RAB3GAP2: variants seen among roughly 807,000 people sequenced by gnomAD.
RAB3GAP2 encodes the protein rab3 GTPase-activating protein non-catalytic subunit.
In RAB3GAP2, 87 loss-of-function variants were observed where a neutral mutation model predicts 185.3. The observed-to-expected ratio is 0.47, with a 90% CI of 0.39 to 0.56. The LOEUF is 0.56. Ranked by LOEUF, RAB3GAP2 falls within the 20% of genes least tolerant of loss-of-function variation. The pLI, the probability that RAB3GAP2 is intolerant of heterozygous loss-of-function variation, is 0.00. For synonymous variants in RAB3GAP2, 554 were observed against 576.1 expected (o/e 0.96, Z 0.55); for missense variants, 1,492 against 1,638.2 (o/e 0.91, Z 1.54).
chr1:220,162,459 C>T (rs1458504648), intron 27 of RAB3GAP2, among the ~76,000 whole-genome samples, 191 bp from the exon 28 acceptor site: 1 of 151,984 alleles, frequency 6.6e-6, no homozygotes, highest in Non-Finnish European at 1.5e-5. Context: ...AAAATCAGAA[C>T]TAGGCTGTAT....
At chr1:220,193,466 G>C in intron 12 of RAB3GAP2, 87 bp from the exon 13 acceptor site, 1 of 1,290,524 alleles carries the variant, frequency 7.7e-7, no homozygotes, top group East Asian at 2.5e-5. Flanking sequence ...AATGAAATAG[G>C]CTGAATCTGT....
rs184361763 is a variant in RAB3GAP2, at chr1:220,161,102, G to C, written c.3225+1096C>G. On this transcript the variant is annotated intron_variant, in intron 28 of 34. Transcript: ENST00000358951. The stretch of plus-strand genomic sequence containing the variant: ...TGTTATTCTCTCGAAAGACGAGGGG[G>C]TAAGAGGTGAAGTTGAATAGGAGAA... Among the ~76,000 whole-genome samples, 22 of 152,256 alleles carry C rather than the reference G, an allele frequency of 1.4e-4. No individual in the cohort carries two copies. The East Asian group carries it at 3.3e-3, about 23-fold the overall frequency.
chr1:220,154,988 G>C (rs921521268), intron 31 of RAB3GAP2, among the ~76,000 whole-genome samples: 9 of 152,192 alleles, frequency 5.9e-5, no homozygotes, highest in Non-Finnish European at 1.3e-4. Flanking sequence ...GCCTCCCAAA[G>C]TGCTGGGATT....
intron 1 of RAB3GAP2, among the ~76,000 whole-genome samples, chr1:220,238,236 A>C (rs916319200): frequency 1.3e-5 from 2 of 152,040 alleles, no homozygotes; most frequent in African/African-American, 4.8e-5. Flanking sequence ...GTAGAGATGA[A>C]GCCTTGCCAT....
rs1558136466 is a variant in RAB3GAP2 at position 220,151,382 on chromosome 1, C to G, written c.4051G>C (p.Glu1351Gln). 2.5e-6 allele frequency: 4 copies of G among 1,614,168 alleles called. No homozygotes were observed. The Admixed American group carries it at 6.7e-5, about 27-fold the overall frequency. The change falls in exon 35 of 35, where the codon GAA becomes CAA. Residue 1351 changes from glutamate to glutamine, a missense_variant. This residue lies in a region of RAB3GAP2 where 387 missense variants were observed against 455.3 expected (regional missense o/e 0.85). Transcript: ENST00000358951. ...AMDPQDLQNT[E>Q]VPIATTAKLV... is the part of the protein sequence containing the mutation. ...TTAGCTGTTGTTGCAATTGGCACTT[C>G]AGTGTTTTGAAGGTCCTGGGGGTCC...
rs1657664637 is a variant in RAB3GAP2 at position 220,148,476 on chromosome 1, T to TAAC, written c.*2772_*2774dup. The stretch of plus-strand genomic sequence containing the variant: ...TGGCTAATTCTATTCAGCAGGAATC[T>TAAC]AACTTCTAGACACCCAGCAAACCCA... On this transcript the variant is annotated 3_prime_UTR_variant, in exon 35 of 35. Transcript: ENST00000358951. 1 of 152,194 alleles carries TAAC rather than the reference T, an allele frequency of 6.6e-6. No homozygotes were observed. Among genetic ancestry groups the TAAC allele is most frequent in the African/African-American group, 2.4e-5 (1 of 41,448 alleles). The allele number at this position is 152,194 out of a possible 1,614,324, so 9.4% of individuals were successfully genotyped here.
chr1:220,267,644 T>C (rs45626633), intron 1 of RAB3GAP2: 80,393 of 1,459,756 alleles, frequency 0.055, 3,374 homozygotes, highest in East Asian at 0.24. Context: ...TGTTATTCAG[T>C]GGCCTGGAGG....
intron 18 of RAB3GAP2, 25 bp downstream of exon 18, chr1:220,185,626 C>T: frequency 1.3e-6 from 2 of 1,551,498 alleles, no homozygotes; most frequent in Non-Finnish European, 1.8e-6. Flanking sequence ...AGAACATAAC[C>T]TCCAATCAGT....
intron 2 of RAB3GAP2, among the ~76,000 whole-genome samples, chr1:220,226,683 T>C (rs562670529): frequency 1.3e-5 from 2 of 152,330 alleles, no homozygotes; most frequent in Admixed American, 6.5e-5. Flanking sequence ...TATTTACTTA[T>C]AGGCAAGTTG....
chr1:220,227,697 A>G (rs1441353055), intron 2 of RAB3GAP2, among the ~76,000 whole-genome samples: 3 of 152,216 alleles, frequency 2.0e-5, no homozygotes, highest in African/African-American at 7.2e-5. Flanking sequence ...TCTTCTGGTT[A>G]TAATAACCTC....
intron 9 of RAB3GAP2, among the ~76,000 whole-genome samples, chr1:220,201,522 CAG>C (rs1306142372): frequency 6.6e-6 from 1 of 152,060 alleles, no homozygotes; most frequent in African/African-American, 2.4e-5. Context: ...TTTCTTGAGA[CAG>C]AGTCTCGCTC....
At chr1:220,241,269 G>C (rs1275015221) in intron 1 of RAB3GAP2, among the ~76,000 whole-genome samples, 6 of 152,000 alleles carry the variant, frequency 3.9e-5, no homozygotes, top group Non-Finnish European at 8.8e-5. Flanking sequence ...TTGAATTCTA[G>C]AAGTGGGCAA....
intron 1 of RAB3GAP2, among the ~76,000 whole-genome samples, chr1:220,245,896 C>T (rs544777668): frequency 1.3e-5 from 2 of 152,310 alleles, no homozygotes; most frequent in South Asian, 2.1e-4. Flanking sequence ...AGGCACCCCC[C>T]AGCGGGGGCA....
intron 26 of RAB3GAP2, 95 bp from the exon 27 acceptor site, chr1:220,164,894 A>G: frequency 8.4e-7 from 1 of 1,192,384 alleles, no homozygotes; most frequent in Non-Finnish European, 1.2e-6. Context: ...AAATTTCTGC[A>G]TAAAACCACC....
At chr1:220,183,250 AT>A (rs200955039) in intron 19 of RAB3GAP2, among the ~76,000 whole-genome samples, 1,422 of 140,172 alleles carry the variant, frequency 0.01, 6 homozygotes, top group African/African-American at 0.021. Context: ...GAATGTTAGC[AT>A]TTTTTTTTTT....
At chr1:220,218,740 T>TAA (rs5781167) in intron 2 of RAB3GAP2, among the ~76,000 whole-genome samples, 9 of 147,068 alleles carry the variant, frequency 6.1e-5, no homozygotes, top group African/African-American at 7.5e-5. Flanking sequence ...AAGTATAATT[T>TAA]AAAAAAAAAA....
At chr1:220,167,247 G>C (rs1285216598) in intron 26 of RAB3GAP2, 46 bp downstream of exon 26, 2 of 1,525,442 alleles carry the variant, frequency 1.3e-6, no homozygotes, top group Non-Finnish European at 1.8e-6. Flanking sequence ...TGAATAGCAT[G>C]AACACAGAAG....
chr1:220,241,787 G>A (rs1659701676), intron 1 of RAB3GAP2, among the ~76,000 whole-genome samples: 1 of 151,558 alleles, frequency 6.6e-6, no homozygotes, highest in Non-Finnish European at 1.5e-5. Flanking sequence ...ACTTACCAAA[G>A]GGTTATATTA....
At chr1:220,267,795 C>G in intron 1 of RAB3GAP2, 1 of 1,459,002 alleles carries the variant, frequency 6.9e-7, no homozygotes, top group Non-Finnish European at 9.6e-7. Flanking sequence ...AGCCTGGCCA[C>G]TATTTGCAGG....
Sources: gnomAD v4.1 joint callset for allele counts (sites outside exome capture counted in the v4.1 genomes callset) on GRCh38, gnomAD v4.1.1 for gene constraint, gnomAD v4.1.1 regional missense constraint, MANE v1.5 for transcripts, NCBI Gene and HGNC (gene_info 2026-07-23, HGNC 2026-07-21) for gene names.